CENPQ: variants seen among roughly 807,000 people sequenced by gnomAD.
The protein encoded by CENPQ is chromosome 6 open reading frame 139.
In CENPQ, 27 loss-of-function variants were observed where a neutral mutation model predicts 36.6. The observed-to-expected ratio is 0.74, with a 90% CI of 0.54 to 1.02. The LOEUF (loss-of-function observed/expected upper bound fraction) is 1.02, where lower values mean the gene tolerates loss of function less well. Ranked by LOEUF, CENPQ falls within the 50% of genes least tolerant of loss-of-function variation. The pLI, the probability that CENPQ is intolerant of heterozygous loss-of-function variation, is 0.00. For missense variants in CENPQ, 306 were observed against 301.8 expected, an observed-to-expected ratio of 1.01 and a Z score of -0.10; for synonymous variants, 101 against 101.7, an observed-to-expected ratio of 0.99 and a Z score of 0.04.
At chr6:49,490,720 A>C (rs570410123) in intron 8 of CENPQ, among the ~76,000 whole-genome samples, 6 of 152,326 alleles carry the variant, frequency 3.9e-5, no homozygotes, top group Admixed American at 3.3e-4. Flanking sequence ...CTTAGAGGCC[A>C]TTGTAGCATT....
chr6:49,489,890 A>G (rs1032758101), intron 8 of CENPQ, among the ~76,000 whole-genome samples: 2 of 152,238 alleles, frequency 1.3e-5, no homozygotes, highest in Non-Finnish European at 2.9e-5. Flanking sequence ...TCAGTAAGCC[A>G]TGCTCTAAAC....
At chr6:49,473,457 G>A (rs1437469804) in intron 5 of CENPQ, among the ~76,000 whole-genome samples, 1 of 152,068 alleles carries the variant, frequency 6.6e-6, no homozygotes, top group Admixed American at 6.6e-5. Flanking sequence ...ATCCTTTACA[G>A]ACAAGCAAAT....
chr6:49,491,269 C>G (rs72855826), intron 8 of CENPQ, among the ~76,000 whole-genome samples: 3,815 of 152,262 alleles, frequency 0.025, 66 homozygotes, highest in Non-Finnish European at 0.032. Context: ...TCTTGTCAGT[C>G]ACGTAGATCT....
rs927711250 is a variant in CENPQ at position 49,480,852 on chromosome 6, A to T, written c.348-99A>T. On this transcript the variant is annotated intron_variant, in intron 5 of 8. Coordinates refer to ENST00000335783, the MANE Select transcript of CENPQ (RefSeq NM_018132.4). ...CCCAGTGGTAATAAAAGAATATTGT[A>T]CCCTTAAGAATATGAGGACAAGAAA... The T allele has an allele frequency of 4.1e-6, 3 of 726,852 alleles. No homozygotes were observed. The African/African-American group carries it at 5.5e-5, about 13-fold the overall frequency. 45.0% of individuals were successfully genotyped at this position (726,852 alleles called of 1,614,324 possible). A position where few individuals can be genotyped will look rare whatever the true frequency, so the allele number is the denominator to read the frequency against.
chr6:49,475,500 T>C (rs938214385), intron 5 of CENPQ, among the ~76,000 whole-genome samples: 4 of 152,326 alleles, frequency 2.6e-5, no homozygotes, highest in African/African-American at 9.6e-5. Flanking sequence ...AGCATTCCCT[T>C]TGAAAACTGG....
intron 1 of CENPQ, among the ~76,000 whole-genome samples, chr6:49,469,791 A>G (rs1768083993): frequency 6.6e-6 from 1 of 152,188 alleles, no homozygotes; most frequent in Non-Finnish European, 1.5e-5. Flanking sequence ...ATCTGTGACT[A>G]CTTTATATTT....
At chr6:49,481,918 G>A (rs187154893) in intron 6 of CENPQ, among the ~76,000 whole-genome samples, 1 of 152,300 alleles carries the variant, frequency 6.6e-6, no homozygotes, top group Middle Eastern at 3.4e-3. Flanking sequence ...AGGAGCCCAC[G>A]GAGGAGGGAG....
At chr6:49,473,545 G>A (rs1035662850) in intron 5 of CENPQ, among the ~76,000 whole-genome samples, 37 of 152,232 alleles carry the variant, frequency 2.4e-4, no homozygotes, top group South Asian at 4.2e-4. Context: ...AGGAAAAACC[G>A]GTACCAGCCA....
intron 6 of CENPQ, among the ~76,000 whole-genome samples, chr6:49,484,429 T>C (rs936051285): frequency 4.6e-5 from 7 of 152,338 alleles, no homozygotes; most frequent in Admixed American, 3.3e-4. Context: ...CAGCTTTTAA[T>C]GAATGGATAT....
chr6:49,489,325 A>G (rs1768665242), intron 8 of CENPQ, among the ~76,000 whole-genome samples: 1 of 152,208 alleles, frequency 6.6e-6, no homozygotes, highest in African/African-American at 2.4e-5. Context: ...TTGCTCATCC[A>G]TAAGAAGTAA....
chr6:49,463,775 A>G (rs986049457), intron 1 of CENPQ, among the ~76,000 whole-genome samples: 1 of 152,130 alleles, frequency 6.6e-6, no homozygotes, highest in Non-Finnish European at 1.5e-5. Flanking sequence ...GTGTTTCTCC[A>G]GGAGTCCTAC....
rs558672868 is a variant in CENPQ, at chr6:49,486,013, T to G, written c.478-2339T>G. 3.3e-5 allele frequency among the ~76,000 whole-genome samples: 5 copies of G among 152,330 alleles called. No individual in the cohort carries two copies. In the East Asian group the frequency reaches 7.7e-4, roughly 24 times the overall value. On this transcript the variant is annotated intron_variant, in intron 6 of 8. Coordinates refer to ENST00000335783, the MANE Select transcript of CENPQ (RefSeq NM_018132.4). Reference sequence around the variant, plus strand: ...TCCAATATAATTAAGGATCTCAAGATGAAGCATCCTGTATCGTCACGGGTA... The same window carrying G: ...TCCAATATAATTAAGGATCTCAAGAGGAAGCATCCTGTATCGTCACGGGTA...
intron 6 of CENPQ, 23 bp downstream of exon 6, chr6:49,481,103 C>G: frequency 6.4e-7 from 1 of 1,569,866 alleles, no homozygotes; most frequent in Non-Finnish European, 8.6e-7. Context: ...AATAGGGAAT[C>G]CATAATTAGA....
At chr6:49,474,275 C>G (rs1167125966) in intron 5 of CENPQ, among the ~76,000 whole-genome samples, 1 of 152,146 alleles carries the variant, frequency 6.6e-6, no homozygotes, top group South Asian at 2.1e-4. Context: ...AAGTGAAGCA[C>G]TCCTCAGCAA....
chr6:49,483,589 GAAA>G, intron 6 of CENPQ, among the ~76,000 whole-genome samples: 1 of 152,330 alleles, frequency 6.6e-6, no homozygotes, highest in East Asian at 1.9e-4. Flanking sequence ...GGCCCAGCGA[GAAA>G]TCGAGCAGTG....
intron 2 of CENPQ, 137 bp downstream of exon 2, chr6:49,470,415 A>T: frequency 2.1e-6 from 1 of 484,590 alleles, no homozygotes; most frequent in South Asian, 3.2e-5. Flanking sequence ...CATCCTGGCT[A>T]ACATGATGAA....
In CENPQ at chr6:49,488,370, G is replaced by A; in HGVS notation, c.496G>A (p.Val166Ile). 6.2e-7 allele frequency: 1 copy of A among 1,606,882 alleles called. No individual in the cohort carries two copies. The highest frequency in any genetic ancestry group is 8.5e-7 in the Non-Finnish European group (1 of 1,176,350). Residue 166 changes from valine to isoleucine, a missense_variant, in exon 7 of 9, where the codon GTA becomes ATA. By Grantham distance (29) the Val-to-Ile change is conservative. Transcript: ENST00000335783. ...GACTCAGGAAGAAATAGATAAAATG[G>A]TAGAGACCACAGAGTTAATGACTGG... ...ALLQEEIDKM[V>I]ETTELMTGNI...
At chr6:49,487,454 T>TAAAAAAAAAAA (rs759527083) in intron 6 of CENPQ, among the ~76,000 whole-genome samples, 12 of 93,270 alleles carry the variant, frequency 1.3e-4, no homozygotes, top group Non-Finnish European at 2.1e-4. Context: ...TACCCTTTCT[T>TAAAAAAAAAAA]AAAAAAAAAA....
rs1464313568 is a variant in CENPQ at position 49,488,608 on chromosome 6, T to G, written c.599T>G (p.Met200Arg). 3 of 1,612,478 alleles carry G rather than the reference T, an allele frequency of 1.9e-6. No homozygotes were observed. The East Asian group carries it at 6.7e-5, about 36-fold the overall frequency. Residue 200 changes from methionine (M) to arginine (R), a missense_variant and splice_region_variant, in exon 8 of 9, where the codon ATG (methionine) becomes AGG (arginine). Physicochemically the swap from Met to Arg is moderately conservative, Grantham distance 91. Transcript: ENST00000335783. ...VEEEEERVKQ[M>R]HQINSSGVLS... ...ATCTGTAGCTTTCTTCTACTTTAGA[T>G]GCATCAAATAAATAGTAGTGGAGTA...
Sources: allele counts gnomAD v4.1 joint callset (sites outside exome capture counted in the v4.1 genomes callset), GRCh38; gene constraint gnomAD v4.1.1; transcripts MANE v1.5; gene names NCBI Gene and HGNC (gene_info 2026-07-23, HGNC 2026-07-21).